Variants in STK32B observed in about 807,000 individuals in gnomAD.
The protein encoded by STK32B is serine/threonine kinase 32B.
A neutral mutation model predicts 52.6 loss-of-function variants in STK32B; 43 were observed. That is an observed-to-expected ratio of 0.82 (90% CI 0.64 to 1.05). STK32B has a LOEUF of 1.05. Ranked by LOEUF, STK32B falls within the 50% of genes least tolerant of loss-of-function variation. The pLI, the probability that STK32B is intolerant of heterozygous loss-of-function variation, is 0.00. For missense variants in STK32B, 621 were observed against 534.6 expected, an observed-to-expected ratio of 1.16 and a Z score of -1.59; for synonymous variants, 238 against 204.3, an observed-to-expected ratio of 1.17 and a Z score of -1.41.
At chr4:5,265,189 T>C (rs1726981300) in intron 3 of STK32B, among the ~76,000 whole-genome samples, 1 of 152,242 alleles carries the variant, frequency 6.6e-6, no homozygotes, top group Admixed American at 6.5e-5. Context: ...ATAAATTTCT[T>C]TGGTCCTTCG....
intron 3 of STK32B, among the ~76,000 whole-genome samples, chr4:5,302,197 T>C (rs966138667): frequency 1.5e-5 from 2 of 136,034 alleles, no homozygotes; most frequent in African/African-American, 7.1e-5. Context: ...AATTTCAAAA[T>C]TACAAAAATT....
Position 5,330,604 on chromosome 4 carries a change from G to A in STK32B, c.261-616G>A, listed in dbSNP as rs531700113. Among the ~76,000 whole-genome samples, 11 of 152,306 alleles carry A rather than the reference G, an allele frequency of 7.2e-5. No homozygotes were observed. In the South Asian group the frequency reaches 1.9e-3, roughly 26 times the overall value. ...ATGCTCAAGGTAGCTCACTCGCATG[G>A]CAGGCAGTGGTGCTGGCTGTCACTG... On this transcript the variant is annotated intron_variant, in intron 3 of 11. Coordinates refer to ENST00000282908, the MANE Select transcript of STK32B (RefSeq NM_018401.3).
intron 6 of STK32B, among the ~76,000 whole-genome samples, chr4:5,421,551 C>G (rs1208567113): frequency 6.6e-6 from 1 of 152,198 alleles, no homozygotes; most frequent in Non-Finnish European, 1.5e-5. Context: ...TCTACCAGCC[C>G]TGATGTCTCT....
chr4:5,171,982 A>C (rs13112063), intron 3 of STK32B, among the ~76,000 whole-genome samples: 67,144 of 151,242 alleles, frequency 0.44, 15,189 homozygotes, highest in East Asian at 0.55. Context: ...CTTTTATTTC[A>C]TTGAGCAGTG....
At chr4:5,491,502 T>G (rs990537934) in intron 11 of STK32B, among the ~76,000 whole-genome samples, 29 of 152,116 alleles carry the variant, frequency 1.9e-4, no homozygotes, top group East Asian at 9.7e-4. Context: ...GAGTAGGTTG[T>G]GAAAATTTTC....
chr4:5,210,246 C>T (rs1722829487), intron 3 of STK32B, among the ~76,000 whole-genome samples: 1 of 152,032 alleles, frequency 6.6e-6, no homozygotes, highest in South Asian at 2.1e-4. Context: ...TCTTCTTCTT[C>T]TTCTCCTCCT....
rs201323734 is a variant in STK32B at position 5,169,789 on chromosome 4, TG to T, written c.260+1341del. Among the ~76,000 whole-genome samples, 926 of 152,332 alleles carry T rather than the reference TG, an allele frequency of 6.1e-3. 36 individuals carry two copies. Among genetic ancestry groups the T allele is most frequent in the Admixed American group, 0.056 (853 of 15,294 alleles). ...TAATCCGAACAGCAATATGTGTTCT[TG>T]GCAAAATATAGAAAATAAAATACGT... is the stretch of plus-strand genomic sequence containing the variant. On this transcript the variant is annotated intron_variant, in intron 3 of 11. Coordinates refer to ENST00000282908, the MANE Select transcript of STK32B (RefSeq NM_018401.3).
chr4:5,491,869 G>C (rs887556461), intron 11 of STK32B, among the ~76,000 whole-genome samples: 4 of 152,158 alleles, frequency 2.6e-5, no homozygotes, highest in African/African-American at 7.2e-5. Context: ...TCTCAGGTTT[G>C]TCAAAGATCA....
In STK32B at chr4:5,090,011, T is replaced by C. The variant is rs572767588; in HGVS notation, c.52+38096T>C. 1.4e-3 allele frequency among the ~76,000 whole-genome samples: 216 copies of C among 152,348 alleles called. No individual in the cohort carries two copies. In the South Asian group the frequency reaches 0.015, roughly 11 times the overall value. On this transcript the variant is annotated intron_variant, in intron 1 of 11. Transcript: ENST00000282908. ...TATGTTTGGTGGCTGCGTAAATGTT[T>C]TCTTTTGAGAAGTGTCTGTTCATGT...
intron 5 of STK32B, among the ~76,000 whole-genome samples, chr4:5,403,998 TA>T (rs1737486909): frequency 6.6e-6 from 1 of 151,736 alleles, no homozygotes; most frequent in African/African-American, 2.4e-5. Flanking sequence ...GGGAAGATTG[TA>T]GTGAGATTCT....
chr4:5,454,319 A>G (rs535034453), intron 7 of STK32B, among the ~76,000 whole-genome samples: 64 of 152,166 alleles, frequency 4.2e-4, no homozygotes, highest in Non-Finnish European at 8.1e-4. Context: ...TCTGAAGGCC[A>G]GAAGTCTGAG....
chr4:5,223,589 G>A (rs988623053), intron 3 of STK32B, among the ~76,000 whole-genome samples: 4 of 152,006 alleles, frequency 2.6e-5, no homozygotes, highest in South Asian at 2.1e-4. Flanking sequence ...TGAGGCGGGC[G>A]AATCACGAGG....
intron 3 of STK32B, among the ~76,000 whole-genome samples, chr4:5,201,900 G>T (rs1287697215): frequency 6.6e-6 from 1 of 152,126 alleles, no homozygotes; most frequent in Non-Finnish European, 1.5e-5. Flanking sequence ...TTTGGGTGGG[G>T]TCACAGAGCC....
At chr4:5,320,497 A>G (rs1250094116) in intron 3 of STK32B, among the ~76,000 whole-genome samples, 1 of 152,216 alleles carries the variant, frequency 6.6e-6, no homozygotes, top group Admixed American at 6.5e-5. Flanking sequence ...TTTACATTGA[A>G]AAAAATTATA....
At chr4:5,064,263 CAT>C (rs56020836) in intron 1 of STK32B, among the ~76,000 whole-genome samples, 49,712 of 143,504 alleles carry the variant, frequency 0.35, 9,854 homozygotes, top group East Asian at 0.49. Context: ...TATATAAAAA[CAT>C]ATATGATATA....
chr4:5,300,029 C>A (rs866822123), intron 3 of STK32B, among the ~76,000 whole-genome samples: 8 of 115,948 alleles, frequency 6.9e-5, no homozygotes, highest in African/African-American at 4.7e-4. Flanking sequence ...ACATACATGC[C>A]AATATCCTCA....
intron 4 of STK32B, among the ~76,000 whole-genome samples, chr4:5,363,576 T>C (rs1734684959): frequency 6.6e-6 from 1 of 152,198 alleles, no homozygotes; most frequent in Non-Finnish European, 1.5e-5. Flanking sequence ...TTACAGGGCT[T>C]GTCAAAGGCT....
At chr4:5,153,723 T>G (rs902676464) in intron 2 of STK32B, among the ~76,000 whole-genome samples, 8 of 152,256 alleles carry the variant, frequency 5.3e-5, no homozygotes, top group African/African-American at 1.9e-4. Flanking sequence ...TCATACAGAT[T>G]TACTATGAAT....
intron 1 of STK32B, among the ~76,000 whole-genome samples, chr4:5,122,597 CCACT>C (rs1379486955): frequency 2.0e-5 from 3 of 151,740 alleles, no homozygotes; most frequent in Admixed American, 6.6e-5. Context: ...ATTCACCCAC[CCACT>C]CACTCACTTA....
Sources: gnomAD v4.1 joint callset for allele counts (sites outside exome capture counted in the v4.1 genomes callset) on GRCh38, gnomAD v4.1.1 for gene constraint, MANE v1.5 for transcripts, NCBI Gene and HGNC (gene_info 2026-07-23, HGNC 2026-07-21) for gene names.